Variants in SEC22C observed in about 807,000 individuals in gnomAD.
SEC22C encodes SEC22 homolog C, vesicle trafficking protein.
A neutral mutation model predicts 34.7 loss-of-function variants in SEC22C; 29 were observed. The observed-to-expected ratio is 0.84, with a 90% CI of 0.62 to 1.14. SEC22C has a LOEUF of 1.14. Ranked by LOEUF, SEC22C falls within the 50% of genes most tolerant of loss-of-function variation. The pLI is 0.00. For missense variants in SEC22C, 337 were observed against 369.0 expected, an observed-to-expected ratio of 0.91 and a Z score of 0.71; for synonymous variants, 117 against 132.8, an observed-to-expected ratio of 0.88 and a Z score of 0.82.
chr3:42,556,146 ATCAGGG>A, intron 5 of SEC22C, 151 bp from the exon 6 acceptor site: 1 of 637,200 alleles, frequency 1.6e-6, no homozygotes, highest in South Asian at 2.0e-5. Context: ...TATGCACCAG[ATCAGGG>A]TTAGCATACA....
intron 1 of SEC22C, chr3:42,590,711 G>C (rs1018529360): frequency 1.5e-6 from 1 of 663,362 alleles, no homozygotes; most frequent in African/African-American, 1.8e-5. Context: ...ATACGAAAAC[G>C]CCCCCGGCGT....
intron 1 of SEC22C, among the ~76,000 whole-genome samples, chr3:42,589,607 G>A (rs1559535711): frequency 6.6e-6 from 1 of 152,206 alleles, no homozygotes; most frequent in Non-Finnish European, 1.5e-5. Flanking sequence ...ATCAGCGGGG[G>A]CATTAGGATC....
At chr3:42,560,067 C>T (rs897145965) in intron 4 of SEC22C, among the ~76,000 whole-genome samples, 6 of 149,324 alleles carry the variant, frequency 4.0e-5, no homozygotes, top group Non-Finnish European at 7.4e-5. Flanking sequence ...TTCAGATCTA[C>T]AACATTTCAG....
In SEC22C at chr3:42,552,003, G is replaced by C; in HGVS notation, c.*1245C>G. 7 of 985,398 alleles carry C rather than the reference G, an allele frequency of 7.1e-6. No homozygotes were observed. Among genetic ancestry groups the C allele is most frequent in the Non-Finnish European group, 7.2e-6 (6 of 829,916 alleles). The allele number at this position is 985,398 out of a possible 1,614,324, so 61.0% of individuals were successfully genotyped here. A position where few individuals can be genotyped will look rare whatever the true frequency, so the allele number is the denominator to read the frequency against. The stretch of plus-strand genomic sequence containing the variant: ...AGACTTCTACCAAGAACAATCCAAA[G>C]AGCAAACTCCCAAAATGACCTCCTG... On this transcript the variant is annotated 3_prime_UTR_variant, in exon 7 of 7. Coordinates refer to ENST00000264454, the MANE Select transcript of SEC22C (RefSeq NM_032970.4).
chr3:42,597,441 A>G (rs1177470440), intron 1 of SEC22C, among the ~76,000 whole-genome samples: 1 of 152,142 alleles, frequency 6.6e-6, no homozygotes, highest in African/African-American at 2.4e-5. Context: ...CTGTAGTCTC[A>G]GCTACACTGG....
intron 1 of SEC22C, among the ~76,000 whole-genome samples, chr3:42,589,656 T>C (rs1235139806): frequency 6.6e-6 from 1 of 152,134 alleles, no homozygotes; most frequent in East Asian, 1.9e-4. Context: ...GTGAACCCTA[T>C]TGTGAACTGG....
Position 42,550,010 on chromosome 3 carries a change from C to T in SEC22C, c.*3238G>A. The stretch of plus-strand genomic sequence containing the variant: ...CCCAGGAAAAGGAAAGCCAGGTACA[C>T]TTCTCATCACAGTAAGACTAGCCTA... On this transcript the variant is annotated 3_prime_UTR_variant, in exon 7 of 7. Transcript: ENST00000264454. 1.0e-6 allele frequency: 1 copy of T among 985,480 alleles called. No individual in the cohort carries two copies. The highest frequency in any genetic ancestry group is 1.1e-4 in the East Asian group (1 of 8,808). 61.0% of individuals were successfully genotyped at this position (985,480 alleles called of 1,614,324 possible). A position where few individuals can be genotyped will look rare whatever the true frequency, so the allele number is the denominator to read the frequency against.
chr3:42,566,386 A>T (rs1703241127), intron 2 of SEC22C, among the ~76,000 whole-genome samples: 1 of 152,116 alleles, frequency 6.6e-6, no homozygotes, highest in South Asian at 2.1e-4. Flanking sequence ...CTAAAAATTT[A>T]CTATTCAAGG....
intron 3 of SEC22C, 42 bp from the exon 4 acceptor site, chr3:42,561,338 A>G: frequency 1.3e-6 from 2 of 1,581,784 alleles, no homozygotes; most frequent in Non-Finnish European, 1.7e-6. Flanking sequence ...TTTCATCAGA[A>G]TGGATATTAT....
chr3:42,594,338 T>C, intron 1 of SEC22C: 3 of 1,040,624 alleles, frequency 2.9e-6, no homozygotes, highest in Non-Finnish European at 4.5e-6. Flanking sequence ...GCCATTCCAC[T>C]AGAGTGGGTA....
At chr3:42,599,947 C>G (rs1180357721) in intron 1 of SEC22C, among the ~76,000 whole-genome samples, 1 of 152,162 alleles carries the variant, frequency 6.6e-6, no homozygotes, top group Non-Finnish European at 1.5e-5. Flanking sequence ...TTGACTTAAT[C>G]AGAATTAAAA....
At position 42,599,158 on chromosome 3, in the gene SEC22C, G is replaced by A. The variant is rs546273227; in HGVS notation, c.-28+1802C>T. On this transcript the variant is annotated intron_variant, in intron 1 of 6. Transcript: ENST00000417572. Reference sequence around the variant, plus strand: ...TTTTTTGTATTTTTAGTAGAGAAAGGGTTTCACCGTGTTAGCCAGGATGGT... The same window carrying A: ...TTTTTTGTATTTTTAGTAGAGAAAGAGTTTCACCGTGTTAGCCAGGATGGT... 2.4e-3 allele frequency among the ~76,000 whole-genome samples: 364 copies of A among 150,482 alleles called. 4 individuals carry two copies. Among genetic ancestry groups the A allele is most frequent in the Non-Finnish European group, 1.6e-3 (111 of 67,620 alleles).
chr3:42,557,208 C>T (rs764636796), intron 5 of SEC22C, among the ~76,000 whole-genome samples: 2 of 152,198 alleles, frequency 1.3e-5, no homozygotes, highest in African/African-American at 2.4e-5. Context: ...TATGGGACAA[C>T]CTTTTCTCAG....
chr3:42,551,110 G>C lies in SEC22C; in HGVS notation c.*2138C>G. On this transcript the variant is annotated 3_prime_UTR_variant, in exon 7 of 7. Transcript: ENST00000264454. ...TCTCGATCTCTTGACCTCGTGATCT[G>C]CCCACCTCAGCTTCCCAAAGTGTTA... 1 of 982,326 alleles carries C rather than the reference G, an allele frequency of 1.0e-6. No homozygotes were observed. Among genetic ancestry groups the C allele is most frequent in the South Asian group, 4.7e-5 (1 of 21,200 alleles). 60.9% of individuals were successfully genotyped at this position (982,326 alleles called of 1,614,324 possible).
chr3:42,564,015 T>C (rs1445844309), intron 2 of SEC22C: 1 of 1,077,574 alleles, frequency 9.3e-7, no homozygotes, highest in Non-Finnish European at 1.2e-6. Flanking sequence ...TTAATCTACA[T>C]CAACAGATTT....
chr3:42,569,097 T>C (rs1294914149), intron 1 of SEC22C, 24 bp from the exon 2 acceptor site: 1 of 1,511,066 alleles, frequency 6.6e-7, no homozygotes, highest in South Asian at 1.2e-5. Context: ...GGTCACCTTG[T>C]TACTGAGGCT....
At chr3:42,582,570 A>G (rs539372087), upstream of SEC22C, among the ~76,000 whole-genome samples, 1 of 152,370 alleles carries the variant, frequency 6.6e-6, no homozygotes, top group South Asian at 2.1e-4. Context: ...GCTATGTGCC[A>G]GGGGTTGTGG....
At chr3:42,582,011 C>G (rs868191383), upstream of SEC22C, 2 of 152,398 alleles carry the variant, frequency 1.3e-5, no homozygotes, top group Non-Finnish European at 2.9e-5. Context: ...TCCCCCCTAC[C>G]CCGCATTCGC....
At chr3:42,564,857 A>AAGCCATCCTCC (rs1338239955) in intron 2 of SEC22C, among the ~76,000 whole-genome samples, 1 of 152,176 alleles carries the variant, frequency 6.6e-6, no homozygotes, top group Admixed American at 6.5e-5. Context: ...TCCCAGGCTC[A>AAGCCATCCTCC]AGCCATCCTC....
Sources: gnomAD v4.1 joint callset for allele counts (sites outside exome capture counted in the v4.1 genomes callset) on GRCh38, gnomAD v4.1.1 for gene constraint, MANE v1.5 for transcripts, NCBI Gene and HGNC (gene_info 2026-07-23, HGNC 2026-07-21) for gene names.